Variants in RBM25 observed in about 807,000 individuals in gnomAD.
The protein encoded by RBM25 is RNA binding motif protein 25.
RBM25 carries 19 observed loss-of-function variants against 120.7 expected under a neutral mutation model. The observed-to-expected ratio is 0.16, with a 90% confidence interval of 0.11 to 0.23. The LOEUF is 0.23. Among genes scored for constraint, RBM25 ranks in the 10% least tolerant of loss-of-function variants. RBM25 has a pLI of 1.00. For synonymous variants in RBM25, 390 were observed against 326.7 expected (o/e 1.19, Z -2.09); for missense variants, 605 against 1,041.5 (o/e 0.58, Z 5.77).
At position 73,087,730 on chromosome 14, in the gene RBM25, T is replaced by C. The variant is rs377544590; in HGVS notation, c.383-271T>C. The stretch of plus-strand genomic sequence containing the variant: ...TTTTAATCATGAATTTCATTGACTC[T>C]GCTAAATATTTTATTAGAGCTTCTA... On this transcript the variant is annotated intron_variant, in intron 5 of 18. Transcript: ENST00000261973. Among the ~76,000 whole-genome samples the C allele has an allele frequency of 1.1e-3, 165 of 152,338 alleles. 5 individuals carry two copies. In the South Asian group the frequency reaches 0.033, roughly 30 times the overall value.
intron 10 of RBM25, among the ~76,000 whole-genome samples, chr14:73,103,942 TCTCTCTCACACACA>T (rs1290217203): frequency 1.4e-3 from 59 of 43,568 alleles, no homozygotes; most frequent in East Asian, 3.2e-3. Context: ...TCTCTCTCTC[TCTCTCTCACACACA>T]CACACACACA....
chr14:73,103,070 T>C, intron 9 of RBM25, 122 bp from the exon 10 acceptor site: 2 of 1,509,682 alleles, frequency 1.3e-6, no homozygotes, highest in East Asian at 4.5e-5. Context: ...AAACCACAAG[T>C]ATTTAATATT....
At chr14:73,060,049 G>GT (rs1462344124) in intron 1 of RBM25, among the ~76,000 whole-genome samples, 3 of 151,556 alleles carry the variant, frequency 2.0e-5, no homozygotes, top group East Asian at 1.9e-4. Flanking sequence ...TTGTGTTGTT[G>GT]TTTTTTTTAA....
At chr14:73,076,429 C>G in intron 3 of RBM25, 61 bp downstream of exon 3, 1 of 1,411,458 alleles carries the variant, frequency 7.1e-7, no homozygotes, top group Non-Finnish European at 1.0e-6. Context: ...TTAAGCTGAA[C>G]AGCATGATAA....
chr14:73,072,898 A>G (rs1403098646), intron 2 of RBM25, among the ~76,000 whole-genome samples: 2 of 151,994 alleles, frequency 1.3e-5, no homozygotes, highest in African/African-American at 2.4e-5. Flanking sequence ...TAAACAGCAC[A>G]TTTGTCTTTA....
intron 6 of RBM25, among the ~76,000 whole-genome samples, chr14:73,092,927 C>T (rs960212569): frequency 2.0e-5 from 3 of 152,160 alleles, no homozygotes; most frequent in African/African-American, 7.2e-5. Context: ...AACAACTTGA[C>T]TGAACATTTT....
rs1167173761 is a variant in RBM25 at position 73,071,691 on chromosome 14, T to C, written c.50T>C (p.Leu17Pro). The C allele has an allele frequency of 1.9e-6, 3 of 1,614,066 alleles. No individual in the cohort carries two copies. The highest frequency in any genetic ancestry group is 2.5e-6 in the Non-Finnish European group (3 of 1,179,964). ...CGCCCTCCCATGGGAATCCCAGCAC[T>C]CCCACCAGGGATCCCACCCCCGCAG... ...LNRPPMGIPALPPGIPPPQFP... is the reference protein window; with the variant it reads ...LNRPPMGIPAPPPGIPPPQFP... The change falls in exon 2 of 19, where the codon CTC (leucine) becomes CCC (proline). Residue 17 changes from leucine to proline, a missense_variant. This residue lies in a region of RBM25 where 90 missense variants were observed against 107.3 expected (regional missense o/e 0.84). Coordinates refer to ENST00000261973, the MANE Select transcript of RBM25 (RefSeq NM_021239.3).
chr14:73,067,066 A>AGT (rs1566580775), intron 1 of RBM25, among the ~76,000 whole-genome samples: 13 of 130,944 alleles, frequency 9.9e-5, no homozygotes, highest in African/African-American at 2.6e-4. Context: ...GGATACATAT[A>AGT]ATTTTTTTTT....
At chr14:73,118,904 G>A (rs1028049017) in intron 18 of RBM25, among the ~76,000 whole-genome samples, 1 of 152,046 alleles carries the variant, frequency 6.6e-6, no homozygotes, top group Non-Finnish European at 1.5e-5. Context: ...GAGTAGCTGG[G>A]ATTACAGGTG....
intron 1 of RBM25, chr14:73,068,741 A>C: frequency 3.6e-6 from 1 of 281,362 alleles, no homozygotes; most frequent in Admixed American, 4.4e-5. Context: ...CCCCTCTCCT[A>C]ATTTTTGTAT....
intron 18 of RBM25, among the ~76,000 whole-genome samples, chr14:73,117,591 A>G (rs1278827018): frequency 6.6e-6 from 1 of 152,068 alleles, no homozygotes; most frequent in Non-Finnish European, 1.5e-5. Flanking sequence ...GCACTTAACT[A>G]CATACCAACT....
At chr14:73,103,986 A>G (rs1395893973) in intron 10 of RBM25, among the ~76,000 whole-genome samples, 1 of 117,812 alleles carries the variant, frequency 8.5e-6, no homozygotes, top group African/African-American at 3.5e-5. Flanking sequence ...ACACACACAC[A>G]CACACACACT....
intron 1 of RBM25, chr14:73,070,036 A>G (rs937170672): frequency 3.9e-5 from 6 of 151,980 alleles, no homozygotes; most frequent in Non-Finnish European, 7.4e-5. Context: ...TTTCTTTAAC[A>G]TGACAAACTA....
chr14:73,074,190 C>T (rs956854729), intron 2 of RBM25, among the ~76,000 whole-genome samples: 1 of 152,110 alleles, frequency 6.6e-6, no homozygotes, highest in Admixed American at 6.6e-5. Flanking sequence ...TATTTATAGG[C>T]TCATAATGCA....
At position 73,123,479 on chromosome 14, in the gene RBM25, T is replaced by G. The variant is rs1035778434; in HGVS notation, c.*3674T>G. 3.3e-5 allele frequency: 5 copies of G among 152,274 alleles called. No individual in the cohort carries two copies. In the East Asian group the frequency reaches 9.6e-4, roughly 29 times the overall value. The allele number at this position is 152,274 out of a possible 1,614,324, so 9.4% of individuals were successfully genotyped here. ...TTAAGTATGAAATTGAGAAATAGTT[T>G]TGCTCAACAAAAGATGATGAGGGAT... On this transcript the variant is annotated 3_prime_UTR_variant, in exon 19 of 19. Coordinates refer to ENST00000261973, the MANE Select transcript of RBM25 (RefSeq NM_021239.3).
rs558533123 is a variant in RBM25, at chr14:73,077,205, A to T, written c.157-164A>T. Among the ~76,000 whole-genome samples, 3 of 152,358 alleles carry T rather than the reference A, an allele frequency of 2.0e-5. No homozygotes were observed. In the East Asian group the frequency reaches 5.8e-4, roughly 29 times the overall value. ...ACTTGTCACAAATAAGTTTGCATTA[A>T]TGAAATGTGCTATGCACTTTAGGAG... On this transcript the variant is annotated intron_variant, in intron 3 of 18. Transcript: ENST00000261973.
At chr14:73,080,610 T>A (rs1895538073) in intron 4 of RBM25, among the ~76,000 whole-genome samples, 1 of 152,164 alleles carries the variant, frequency 6.6e-6, no homozygotes, top group Non-Finnish European at 1.5e-5. Flanking sequence ...AATATGCCTT[T>A]TTACTGTTCT....
At chr14:73,105,294 T>C (rs981876949) in intron 10 of RBM25, among the ~76,000 whole-genome samples, 2 of 151,958 alleles carry the variant, frequency 1.3e-5, no homozygotes, top group African/African-American at 4.8e-5. Flanking sequence ...GCCTCCTACC[T>C]CGGCTTCTTA....
At chr14:73,102,995 A>G (rs1346829552) in intron 9 of RBM25, 197 bp from the exon 10 acceptor site, 1 of 1,123,414 alleles carries the variant, frequency 8.9e-7, no homozygotes. Context: ...TGGTCTGTGT[A>G]GAGTATATGG....
Sources: gnomAD v4.1 joint callset for allele counts (sites outside exome capture counted in the v4.1 genomes callset) on GRCh38, gnomAD v4.1.1 for gene constraint, gnomAD v4.1.1 regional missense constraint, MANE v1.5 for transcripts, NCBI Gene and HGNC (gene_info 2026-07-23, HGNC 2026-07-21) for gene names.